The following NALF1 variants were observed in gnomAD, a reference collection of about 807,000 sequenced individuals.
NALF1 encodes the protein NALCN channel auxiliary factor 1, also known as family with sequence similarity 155 member A.
In NALF1, 3 loss-of-function variants were observed where a neutral mutation model predicts 48.4. The observed-to-expected ratio is 0.06, with a 90% CI of 0.03 to 0.16. NALF1 has a LOEUF of 0.16. Among genes scored for constraint, NALF1 ranks in the 10% least tolerant of loss-of-function variants. The pLI, the probability that NALF1 is intolerant of heterozygous loss-of-function variation, is 1.00. For synonymous variants in NALF1, 262 were observed against 245.7 expected (o/e 1.07, Z -0.62); for missense variants, 526 against 571.5 (o/e 0.92, Z 0.81).
chr13:107,444,043 GAT>G (rs1360102717), intron 1 of NALF1, among the ~76,000 whole-genome samples: 1 of 151,992 alleles, frequency 6.6e-6, no homozygotes, highest in East Asian at 1.9e-4. Context: ...TGAGTACTTT[GAT>G]ATGTCTAAGA....
At chr13:107,212,487 T>C (rs991597131) in intron 1 of NALF1, among the ~76,000 whole-genome samples, 1 of 152,170 alleles carries the variant, frequency 6.6e-6, no homozygotes, top group African/African-American at 2.4e-5. Flanking sequence ...GCTGTGGCTG[T>C]GTGCCCCAGG....
intron 1 of NALF1, among the ~76,000 whole-genome samples, chr13:107,279,362 T>C (rs960939812): frequency 4.6e-5 from 7 of 152,138 alleles, no homozygotes; most frequent in African/African-American, 1.7e-4. Context: ...TTCAAGCAAT[T>C]CTTCTGTCTC....
chr13:107,768,700 G>C (rs1035487370), intron 1 of NALF1, among the ~76,000 whole-genome samples: 1 of 152,114 alleles, frequency 6.6e-6, no homozygotes, highest in Non-Finnish European at 1.5e-5. Flanking sequence ...ATGAACAGCA[G>C]CAATTGACTG....
intron 1 of NALF1, among the ~76,000 whole-genome samples, chr13:107,298,315 T>A (rs563683645): frequency 1.4e-4 from 15 of 110,092 alleles, no homozygotes; most frequent in African/African-American, 4.7e-4. Flanking sequence ...GCACCACTGC[T>A]CTCCAGCCTG....
In NALF1 at chr13:107,272,958, T is replaced by C. The variant is rs142278240; in HGVS notation, c.916-62203A>G. Among the ~76,000 whole-genome samples the C allele has an allele frequency of 2.2e-3, 334 of 152,334 alleles. 2 individuals are homozygous for C. Among genetic ancestry groups the C allele is most frequent in the African/African-American group, 7.5e-3 (312 of 41,566 alleles). On this transcript the variant is annotated intron_variant, in intron 1 of 2. Transcript: ENST00000375915. ...TCACCAATGAGAATGTACATGGCAT[T>C]AGCATGCCTTTGATGGGGTTCAGGA... is the stretch of plus-strand genomic sequence containing the variant.
At chr13:107,374,148 G>C (rs572273763) in intron 1 of NALF1, among the ~76,000 whole-genome samples, 1 of 152,190 alleles carries the variant, frequency 6.6e-6, no homozygotes, top group South Asian at 2.1e-4. Flanking sequence ...CATCAGTGTC[G>C]TTTTCTCTGT....
chr13:107,367,807 A>G (rs1883178184), intron 1 of NALF1, among the ~76,000 whole-genome samples: 1 of 152,210 alleles, frequency 6.6e-6, no homozygotes, highest in Non-Finnish European at 1.5e-5. Flanking sequence ...CAGACTAAAA[A>G]TTGCTCAAAT....
At chr13:107,335,515 A>T (rs2138928208) in intron 1 of NALF1, among the ~76,000 whole-genome samples, 1 of 152,258 alleles carries the variant, frequency 6.6e-6, no homozygotes, top group African/African-American at 2.4e-5. Flanking sequence ...AAAATTGAAC[A>T]TTTTCTTTTA....
intron 1 of NALF1, among the ~76,000 whole-genome samples, chr13:107,247,663 C>G (rs1880611089): frequency 6.6e-6 from 1 of 152,160 alleles, no homozygotes; most frequent in African/African-American, 2.4e-5. Context: ...ATGGGGATAT[C>G]TGTTATTTGG....
chr13:107,513,200 T>A (rs1246089419), intron 1 of NALF1, among the ~76,000 whole-genome samples: 1 of 152,206 alleles, frequency 6.6e-6, no homozygotes, highest in East Asian at 1.9e-4. Flanking sequence ...GGGGTCTATA[T>A]TTGGGGAATT....
intron 1 of NALF1, among the ~76,000 whole-genome samples, chr13:107,471,077 A>T (rs1324898128): frequency 6.6e-6 from 1 of 152,220 alleles, no homozygotes; most frequent in Non-Finnish European, 1.5e-5. Context: ...AGTCACTCTT[A>T]TCCAAACCCA....
chr13:107,330,827 A>G (rs571992476), intron 1 of NALF1, among the ~76,000 whole-genome samples: 1 of 152,354 alleles, frequency 6.6e-6, no homozygotes, highest in South Asian at 2.1e-4. Context: ...AAACAAGAAT[A>G]AAAATGAAGG....
intron 1 of NALF1, among the ~76,000 whole-genome samples, chr13:107,379,627 C>T (rs1377406944): frequency 6.6e-6 from 1 of 152,156 alleles, no homozygotes; most frequent in Non-Finnish European, 1.5e-5. Context: ...AGCACAGCCT[C>T]TGTGCTCAGG....
At chr13:107,690,804 T>G (rs190121616) in intron 1 of NALF1, among the ~76,000 whole-genome samples, 1 of 152,330 alleles carries the variant, frequency 6.6e-6, no homozygotes, top group African/African-American at 2.4e-5. Context: ...ATTCCTGCTA[T>G]AAACGCTCGT....
intron 2 of NALF1, among the ~76,000 whole-genome samples, chr13:107,202,280 A>G (rs868157033): frequency 6.6e-6 from 1 of 151,412 alleles, no homozygotes; most frequent in Non-Finnish European, 1.5e-5. Flanking sequence ...TATTACCTAC[A>G]TTATCTGGAA....
At chr13:107,847,765 G>A (rs1880210616) in intron 1 of NALF1, among the ~76,000 whole-genome samples, 1 of 152,138 alleles carries the variant, frequency 6.6e-6, no homozygotes, top group Non-Finnish European at 1.5e-5. Context: ...CTGACACCTT[G>A]ACTGTAGCTT....
intron 1 of NALF1, among the ~76,000 whole-genome samples, chr13:107,219,270 T>A (rs1302718355): frequency 6.6e-6 from 1 of 152,198 alleles, no homozygotes; most frequent in Non-Finnish European, 1.5e-5. Context: ...TGCAGAGTAT[T>A]ACATGTCCTC....
At chr13:107,687,121 T>C (rs1358608741) in intron 1 of NALF1, among the ~76,000 whole-genome samples, 3 of 152,158 alleles carry the variant, frequency 2.0e-5, no homozygotes, top group Admixed American at 2.0e-4. Flanking sequence ...TATGTAGCCA[T>C]AAAAAATGAA....
intron 1 of NALF1, among the ~76,000 whole-genome samples, chr13:107,732,480 TGCTGTCCTGG>T (rs1440666583): frequency 6.6e-5 from 10 of 152,262 alleles, no homozygotes; most frequent in Admixed American, 5.2e-4. Flanking sequence ...AGGACAGCCA[TGCTGTCCTGG>T]GCTTAGACGT....
Sources: allele counts gnomAD v4.1 joint callset (sites outside exome capture counted in the v4.1 genomes callset), GRCh38; gene constraint gnomAD v4.1.1; transcripts MANE v1.5; gene names NCBI Gene and HGNC (gene_info 2026-07-23, HGNC 2026-07-21).